DDX50: variants seen among roughly 807,000 people sequenced by gnomAD.
DDX50 encodes the protein ATP-dependent RNA helicase DDX50.
A neutral mutation model predicts 94.8 loss-of-function variants in DDX50; 56 were observed. The observed-to-expected ratio is 0.59, with a 90% confidence interval of 0.48 to 0.74. The LOEUF (loss-of-function observed/expected upper bound fraction) is 0.74, where lower values mean the gene tolerates loss of function less well. Ranked by LOEUF, DDX50 falls within the 30% of genes least tolerant of loss-of-function variation. The pLI is 0.00. For synonymous variants in DDX50, 264 were observed against 295.4 expected, an observed-to-expected ratio of 0.89 and a Z score of 1.09; for missense variants, 713 against 881.2, an observed-to-expected ratio of 0.81 and a Z score of 2.42.
chr10:68,905,929 T>A (rs756938368), intron 1 of DDX50, among the ~76,000 whole-genome samples: 4 of 151,936 alleles, frequency 2.6e-5, no homozygotes, highest in Non-Finnish European at 2.9e-5. Context: ...AAATAAATAA[T>A]TAAATAAAAT....
At chr10:68,928,279 G>A (rs1842142280) in intron 8 of DDX50, among the ~76,000 whole-genome samples, 1 of 152,116 alleles carries the variant, frequency 6.6e-6, no homozygotes, top group Non-Finnish European at 1.5e-5. Flanking sequence ...TCATGCCACT[G>A]CACTCCACCC....
chr10:68,934,535 C>G lies in DDX50; in HGVS notation c.1401+175C>G, dbSNP rs940733461. ...CTGATACTTTTGCAGATGATTAACT[C>G]TATTGTTTGTATTTGAAGCATGGAG... On this transcript the variant is annotated intron_variant, in intron 9 of 14. Coordinates refer to ENST00000373585, the MANE Select transcript of DDX50 (RefSeq NM_024045.2). The surrounding 1 kb of genome is among the most constrained non-coding windows in gnomAD (Gnocchi z 4.0). Among the ~76,000 whole-genome samples the G allele has an allele frequency of 6.6e-6, 1 of 152,042 alleles. No homozygotes were observed. The highest frequency in any genetic ancestry group is 2.4e-5 in the African/African-American group (1 of 41,402).
At chr10:68,902,799 C>G (rs1487503026) in intron 1 of DDX50, among the ~76,000 whole-genome samples, 1 of 152,226 alleles carries the variant, frequency 6.6e-6, no homozygotes, top group Non-Finnish European at 1.5e-5. Flanking sequence ...TAGTTTATGT[C>G]TTTCCTGACA....
chr10:68,926,921 C>CT (rs916837153), intron 8 of DDX50, among the ~76,000 whole-genome samples: 6 of 150,850 alleles, frequency 4.0e-5, no homozygotes, highest in South Asian at 2.1e-4. Context: ...CCCCTGTGTT[C>CT]TTTTTTTTTG....
At chr10:68,911,330 C>A in intron 4 of DDX50, 84 bp downstream of exon 4, 1 of 1,363,964 alleles carries the variant, frequency 7.3e-7, no homozygotes, top group Non-Finnish European at 9.6e-7. Flanking sequence ...GTTCTAGTAC[C>A]CCCAAAATAG....
intron 12 of DDX50, 88 bp from the exon 13 acceptor site, chr10:68,940,972 A>C (rs1003197140): frequency 2.7e-6 from 4 of 1,493,170 alleles, no homozygotes; most frequent in Non-Finnish European, 3.6e-6. Flanking sequence ...AGAAATGCAC[A>C]GTTAAGTCTT....
intron 8 of DDX50, among the ~76,000 whole-genome samples, chr10:68,924,768 T>C (rs1253973343): frequency 1.3e-5 from 2 of 152,180 alleles, no homozygotes; most frequent in African/African-American, 4.8e-5. Flanking sequence ...ATCCTTAGTT[T>C]AGATCCTCTG....
At chr10:68,916,426 A>G (rs1465975833) in intron 7 of DDX50, among the ~76,000 whole-genome samples, 1 of 152,084 alleles carries the variant, frequency 6.6e-6, no homozygotes, top group Non-Finnish European at 1.5e-5. Flanking sequence ...TGCAGTAAGA[A>G]TGTAAAATGT....
At chr10:68,932,799 A>G (rs1054473033) in intron 8 of DDX50, among the ~76,000 whole-genome samples, 1 of 152,240 alleles carries the variant, frequency 6.6e-6, no homozygotes, top group East Asian at 1.9e-4. Flanking sequence ...TAAATTCACA[A>G]AGATTACAAT....
At chr10:68,929,251 CCCTTCCTTCCTT>C (rs748750747) in intron 8 of DDX50, among the ~76,000 whole-genome samples, 18 of 117,996 alleles carry the variant, frequency 1.5e-4, no homozygotes, top group South Asian at 3.4e-4. Context: ...CCAGCCTGGT[CCCTTCCTTCCTT>C]CCTTCCTTCC....
intron 14 of DDX50, among the ~76,000 whole-genome samples, chr10:68,944,020 C>G (rs1164385975): frequency 2.6e-5 from 4 of 152,308 alleles, no homozygotes. Flanking sequence ...TCTACTTACC[C>G]ACTTTTCTGC....
At chr10:68,922,127 T>C (rs1485945370) in intron 8 of DDX50, among the ~76,000 whole-genome samples, 1 of 152,198 alleles carries the variant, frequency 6.6e-6, no homozygotes, top group Non-Finnish European at 1.5e-5. Flanking sequence ...CTGTTTGTTT[T>C]GAATCTCCCT....
intron 4 of DDX50, 64 bp downstream of exon 4, chr10:68,911,310 C>T (rs978891660): frequency 1.7e-5 from 24 of 1,450,500 alleles, no homozygotes; most frequent in African/African-American, 2.8e-5. Flanking sequence ...GAAAGTTACA[C>T]GAGTCCTAAG....
chr10:68,946,274 G>C, intron 14 of DDX50, 78 bp from the exon 15 acceptor site: 1 of 1,480,460 alleles, frequency 6.8e-7, no homozygotes, highest in Non-Finnish European at 9.0e-7. Flanking sequence ...ATATGAAAAA[G>C]GTGTCTTCTT....
chr10:68,919,119 A>G (rs944708698), intron 7 of DDX50, among the ~76,000 whole-genome samples: 1 of 152,070 alleles, frequency 6.6e-6, no homozygotes, highest in African/African-American at 2.4e-5. Flanking sequence ...GTGTAAGTAC[A>G]CTCTTTGATG....
chr10:68,919,710 G>A (rs1841893242), intron 7 of DDX50, 122 bp from the exon 8 acceptor site: 2 of 1,175,824 alleles, frequency 1.7e-6, no homozygotes. Flanking sequence ...CTGTTGAGGA[G>A]AGTCTTTGTC....
Position 68,908,569 on chromosome 10 carries a change from C to G in DDX50, c.384+1562C>G, listed in dbSNP as rs1054802486. On this transcript the variant is annotated intron_variant, in intron 2 of 14. Coordinates refer to ENST00000373585, the MANE Select transcript of DDX50 (RefSeq NM_024045.2). ...CTGGAGGAGTATGTTTCAAATATGG[C>G]TTTAGCTGAGTGGATTATAAATAAT... Among the ~76,000 whole-genome samples, 8 of 145,686 alleles carry G rather than the reference C, an allele frequency of 5.5e-5. No individual in the cohort carries two copies. In the East Asian group the frequency reaches 1.6e-3, roughly 30 times the overall value.
Position 68,936,515 on chromosome 10 carries a change from A to AAT in DDX50, c.1596-387_1596-386dup, listed in dbSNP as rs869117307. ...AAAAAAAAAAAAAAAAAAAAAAAAA[A>AAT]ATATATATATATATATATATATATA... On this transcript the variant is annotated intron_variant, in intron 11 of 14. Coordinates refer to ENST00000373585, the MANE Select transcript of DDX50 (RefSeq NM_024045.2). Among the ~76,000 whole-genome samples, 255 of 53,138 alleles carry AAT rather than the reference A, an allele frequency of 4.8e-3. 3 individuals carry two copies. Among genetic ancestry groups the AAT allele is most frequent in the Non-Finnish European group, 6.0e-3 (196 of 32,444 alleles). 34.9% of individuals were successfully genotyped at this position (53,138 alleles called of 152,430 possible).
intron 7 of DDX50, among the ~76,000 whole-genome samples, chr10:68,918,632 C>T (rs1430887393): frequency 1.3e-5 from 2 of 151,386 alleles, no homozygotes; most frequent in East Asian, 2.0e-4. Context: ...TCACCATGTT[C>T]CCCAGGCTGG....
Sources: allele counts gnomAD v4.1 joint callset (sites outside exome capture counted in the v4.1 genomes callset), GRCh38; gene constraint gnomAD v4.1.1; non-coding constraint Gnocchi (gnomAD v3.1); transcripts MANE v1.5; gene names NCBI Gene and HGNC (gene_info 2026-07-23, HGNC 2026-07-21).